The following FCHSD2 variants were observed in gnomAD, a reference collection of about 807,000 sequenced individuals.
The protein encoded by FCHSD2 is FCH and double SH3 domains 2.
A neutral mutation model predicts 108.1 loss-of-function variants in FCHSD2; 38 were observed. The ratio of observed to expected loss-of-function variants is 0.35; its 90% CI spans 0.27 to 0.46. The LOEUF (loss-of-function observed/expected upper bound fraction) is 0.46. Ranked by LOEUF, FCHSD2 falls within the 20% of genes least tolerant of loss-of-function variation. FCHSD2 has a pLI of 1.00. For missense variants in FCHSD2, 751 were observed against 897.8 expected, an observed-to-expected ratio of 0.84 and a Z score of 2.09; for synonymous variants, 279 against 314.7, an observed-to-expected ratio of 0.89 and a Z score of 1.20.
At chr11:72,948,305 G>A (rs2135352243) in intron 8 of FCHSD2, among the ~76,000 whole-genome samples, 1 of 152,282 alleles carries the variant, frequency 6.6e-6, no homozygotes, top group Non-Finnish European at 1.5e-5. Flanking sequence ...ACTGTGCCCA[G>A]CCACTGGATA....
At chr11:72,965,828 C>T (rs776731982) in intron 8 of FCHSD2, among the ~76,000 whole-genome samples, 3 of 152,160 alleles carry the variant, frequency 2.0e-5, no homozygotes, top group African/African-American at 7.2e-5. Flanking sequence ...TGATAAGATT[C>T]TGTTGCTCTA....
intron 13 of FCHSD2, among the ~76,000 whole-genome samples, chr11:72,865,712 G>A (rs1264610900): frequency 1.3e-5 from 2 of 151,360 alleles, no homozygotes; most frequent in Non-Finnish European, 2.9e-5. Flanking sequence ...TTTTCTGATA[G>A]TATTTCAAAG....
rs549090482 is a variant in FCHSD2 at position 72,956,568 on chromosome 11, C to G, written c.705+27520G>C. On this transcript the variant is annotated intron_variant, in intron 8 of 19. Coordinates refer to ENST00000409418, the MANE Select transcript of FCHSD2 (RefSeq NM_014824.3). ...TTCTGGAGACTGAGAAATCCAAGAT[C>G]AAGGCGCCAGCAGATTTGGTGTCTG... Among the ~76,000 whole-genome samples, 3 of 152,294 alleles carry G rather than the reference C, an allele frequency of 2.0e-5. No individual in the cohort carries two copies. The East Asian group carries it at 5.8e-4, about 29-fold the overall frequency.
At chr11:72,901,092 T>C (rs1369367497) in intron 10 of FCHSD2, among the ~76,000 whole-genome samples, 1 of 152,220 alleles carries the variant, frequency 6.6e-6, no homozygotes, top group East Asian at 1.9e-4. Flanking sequence ...TGTATGCTTT[T>C]AAACAATTGC....
chr11:73,005,596 A>G (rs983659255), intron 4 of FCHSD2, among the ~76,000 whole-genome samples: 6 of 151,988 alleles, frequency 3.9e-5, no homozygotes, highest in Non-Finnish European at 4.4e-5. Context: ...TCTCTTCTCT[A>G]ACTACATTCA....
chr11:72,900,236 CTTG>C, intron 10 of FCHSD2: 2 of 1,451,832 alleles, frequency 1.4e-6, no homozygotes, highest in Non-Finnish European at 1.9e-6. Flanking sequence ...CCCTCCCGCC[CTTG>C]ACCCACACCC....
rs112443096 is a variant in FCHSD2 at position 72,914,099 on chromosome 11, G to A, written c.828+7729C>T. On this transcript the variant is annotated intron_variant, in intron 9 of 19. Transcript: ENST00000409418. ...GCATAATCTCAGCTCGCTGCAAACT[G>A]CGCTTCCTGGGTTCAAGTGATTCTC... Among the ~76,000 whole-genome samples, 881 of 152,132 alleles carry A rather than the reference G, an allele frequency of 5.8e-3. 5 individuals are homozygous for A. The highest frequency in any genetic ancestry group is 0.014 in the South Asian group (69 of 4,818).
At chr11:72,932,939 T>C (rs1393142417) in intron 8 of FCHSD2, among the ~76,000 whole-genome samples, 1 of 152,226 alleles carries the variant, frequency 6.6e-6, no homozygotes, top group African/African-American at 2.4e-5. Flanking sequence ...AATCTAATGA[T>C]GTTACATAAC....
At chr11:73,101,344 T>C (rs943110384) in intron 2 of FCHSD2, among the ~76,000 whole-genome samples, 3 of 152,170 alleles carry the variant, frequency 2.0e-5, no homozygotes, top group Non-Finnish European at 2.9e-5. Flanking sequence ...CACTAAAACA[T>C]TGTAAATCTA....
chr11:72,993,678 T>G (rs1192773811), intron 5 of FCHSD2, among the ~76,000 whole-genome samples: 1 of 149,236 alleles, frequency 6.7e-6, no homozygotes, highest in Non-Finnish European at 1.5e-5. Flanking sequence ...AAACACCGCA[T>G]GTTCTCACTC....
intron 3 of FCHSD2, among the ~76,000 whole-genome samples, chr11:73,075,460 AG>A (rs1458416456): frequency 1.3e-5 from 2 of 152,262 alleles, no homozygotes; most frequent in African/African-American, 4.8e-5. Flanking sequence ...TACTAGAACT[AG>A]AACCTTCATG....
At chr11:72,842,007 A>G (rs760196463) in intron 17 of FCHSD2, among the ~76,000 whole-genome samples, 4 of 152,212 alleles carry the variant, frequency 2.6e-5, no homozygotes, top group Non-Finnish European at 5.9e-5. Context: ...AGGGGTCACA[A>G]TCACCACGCA....
At chr11:73,004,425 C>T (rs889191545) in intron 4 of FCHSD2, among the ~76,000 whole-genome samples, 1 of 152,146 alleles carries the variant, frequency 6.6e-6, no homozygotes, top group African/African-American at 2.4e-5. Context: ...ACTAACACCT[C>T]CTGATTCTAC....
intron 12 of FCHSD2, among the ~76,000 whole-genome samples, chr11:72,876,516 A>G (rs778101459): frequency 1.4e-4 from 21 of 152,194 alleles, no homozygotes; most frequent in Non-Finnish European, 3.1e-4. Context: ...TTTTAATATA[A>G]GCCTAATTAA....
chr11:73,086,978 C>A lies in FCHSD2; in HGVS notation c.120-3238G>T, dbSNP rs191500216. 1.4e-3 allele frequency among the ~76,000 whole-genome samples: 213 copies of A among 152,228 alleles called. 3 individuals carry two copies. Among genetic ancestry groups the A allele is most frequent in the Admixed American group, 0.013 (198 of 15,280 alleles). ...AAAAACACACAAATATTGTATGATTCCAATTATATGAGGTCCTACAGCTAA... is the reference window on the plus strand; with the variant it reads ...AAAAACACACAAATATTGTATGATTACAATTATATGAGGTCCTACAGCTAA... On this transcript the variant is annotated intron_variant, in intron 2 of 19. Transcript: ENST00000409418.
intron 18 of FCHSD2, 112 bp from the exon 19 acceptor site, chr11:72,841,071 G>A (rs889331580): frequency 3.5e-5 from 27 of 781,352 alleles, no homozygotes; most frequent in Non-Finnish European, 4.3e-5. Flanking sequence ...GGGATACTGA[G>A]GCGGGAGGAT....
chr11:73,016,972 CTTGT>C (rs1019040949), intron 3 of FCHSD2, among the ~76,000 whole-genome samples: 3 of 152,000 alleles, frequency 2.0e-5, no homozygotes, highest in Admixed American at 2.0e-4. Flanking sequence ...TGTTTTTTTG[CTTGT>C]TTGTTTTCGT....
intron 3 of FCHSD2, among the ~76,000 whole-genome samples, chr11:73,064,465 GA>G (rs1166924396): frequency 1.7e-4 from 25 of 148,928 alleles, no homozygotes; most frequent in African/African-American, 6.2e-4. Flanking sequence ...ATAGAAACAA[GA>G]AAAACCCTTC....
chr11:73,104,544 A>C (rs1860295831), intron 2 of FCHSD2, among the ~76,000 whole-genome samples: 1 of 151,734 alleles, frequency 6.6e-6, no homozygotes, highest in South Asian at 2.1e-4. Context: ...TACAGGAGTG[A>C]GCCACCACAC....
Sources: allele counts gnomAD v4.1 joint callset (sites outside exome capture counted in the v4.1 genomes callset), GRCh38; gene constraint gnomAD v4.1.1; transcripts MANE v1.5; gene names NCBI Gene and HGNC (gene_info 2026-07-23, HGNC 2026-07-21).